PKN2: variants seen among roughly 807,000 people sequenced by gnomAD.
The protein encoded by PKN2 is serine/threonine-protein kinase N2.
PKN2 carries 38 observed loss-of-function variants against 119.1 expected under a neutral mutation model. The ratio of observed to expected loss-of-function variants is 0.32; its 90% CI spans 0.25 to 0.42. The LOEUF (loss-of-function observed/expected upper bound fraction) is 0.42, where lower values mean the gene tolerates loss of function less well. PKN2 is among the 10% of genes least tolerant of loss of function. PKN2 has a pLI of 1.00. For missense variants in PKN2, 850 were observed against 1,165.1 expected (o/e 0.73, Z 3.94); for synonymous variants, 390 against 384.9 (o/e 1.01, Z -0.15).
chr1:88,690,903 A>G (rs1557541444), intron 1 of PKN2, among the ~76,000 whole-genome samples: 1 of 152,226 alleles, frequency 6.6e-6, no homozygotes, highest in Non-Finnish European at 1.5e-5. Context: ...TATCTCTTTT[A>G]GAAATTTGTC....
intron 1 of PKN2, among the ~76,000 whole-genome samples, chr1:88,730,727 T>C (rs1394208010): frequency 1.3e-5 from 2 of 152,232 alleles, no homozygotes; most frequent in Non-Finnish European, 1.5e-5. Context: ...CACTATCTGC[T>C]TCAGTACCAA....
intron 1 of PKN2, among the ~76,000 whole-genome samples, chr1:88,718,463 T>A (rs1005889937): frequency 2.6e-5 from 4 of 152,172 alleles, no homozygotes; most frequent in African/African-American, 9.7e-5. Flanking sequence ...AGTAGTTTTG[T>A]TTTGATGTAT....
At chr1:88,701,734 C>T (rs186459815) in intron 1 of PKN2, among the ~76,000 whole-genome samples, 5 of 152,120 alleles carry the variant, frequency 3.3e-5, no homozygotes, top group Middle Eastern at 3.4e-3. Context: ...TCAATAAATC[C>T]GAGTTTCCAT....
intron 3 of PKN2, among the ~76,000 whole-genome samples, chr1:88,765,138 A>G (rs1055979351): frequency 9.9e-5 from 15 of 152,054 alleles, no homozygotes; most frequent in Admixed American, 3.9e-4. Flanking sequence ...CATGTTGGCC[A>G]GGCTGGTCTT....
Position 88,824,392 on chromosome 1 carries a change from C to A in PKN2, c.2419+6C>A, listed in dbSNP as rs369390544. 2 of 1,519,356 alleles carry A rather than the reference C, an allele frequency of 1.3e-6. No individual in the cohort carries two copies. Among genetic ancestry groups the A allele is most frequent in the Non-Finnish European group, 1.8e-6 (2 of 1,095,638 alleles). The allele number at this position is 1,519,356 out of a possible 1,614,324, so 94.1% of individuals were successfully genotyped here. ...TTTTGGTCTTTGCAAAGAAGGTAATCGAATGTTTTTAAGTTTCTTTTCTGA... is the reference window on the plus strand; with the variant it reads ...TTTTGGTCTTTGCAAAGAAGGTAATAGAATGTTTTTAAGTTTCTTTTCTGA... On this transcript the variant is annotated splice_donor_region_variant and intron_variant, in intron 18 of 21. Transcript: ENST00000370521.
rs781331012 is a variant in PKN2, at chr1:88,833,295, A to G, written c.2802A>G (p.Ile934Met). 5.0e-6 allele frequency: 8 copies of G among 1,613,452 alleles called. No individual in the cohort carries two copies. In the South Asian group the frequency reaches 8.8e-5, roughly 18 times the overall value. The change falls in exon 22 of 22, where the codon ATA becomes ATG. Residue 934 changes from isoleucine (I) to methionine (M), a missense_variant. Ile to Met is a conservative substitution (Grantham distance 10). Coordinates refer to ENST00000370521, the MANE Select transcript of PKN2 (RefSeq NM_006256.4). ...LMDKKVKPPF[I>M]PTIRGREDVS... ...ACAAAAAAGTAAAGCCACCATTTAT[A>G]CCTACCATAAGAGGACGAGAAGATG... is the stretch of plus-strand genomic sequence containing the variant.
chr1:88,827,015 TG>T (rs1672526344), intron 18 of PKN2, among the ~76,000 whole-genome samples: 1 of 152,158 alleles, frequency 6.6e-6, no homozygotes, highest in African/African-American at 2.4e-5. Flanking sequence ...TATCTAATTG[TG>T]CCCTTCAGGT....
chr1:88,771,086 TTTG>T (rs993533122), intron 4 of PKN2, among the ~76,000 whole-genome samples: 1 of 152,084 alleles, frequency 6.6e-6, no homozygotes, highest in African/African-American at 2.4e-5. Context: ...CTTTTGTTTT[TTTG>T]TTTTGTTTTA....
In PKN2 at chr1:88,809,240, T is replaced by C. The variant is rs1359651318; in HGVS notation, c.2102+1465T>C. ...AAGAGCTTGCTGGATATTTATAAAA[T>C]ATTCTGAGTACCATATTACATGTTT... On this transcript the variant is annotated intron_variant, in intron 15 of 21. Transcript: ENST00000370521. 2.0e-5 allele frequency among the ~76,000 whole-genome samples: 3 copies of C among 152,192 alleles called. No individual in the cohort carries two copies. In the East Asian group the frequency reaches 5.8e-4, roughly 29 times the overall value.
chr1:88,812,475 C>G (rs1671816967), intron 15 of PKN2, among the ~76,000 whole-genome samples: 1 of 152,128 alleles, frequency 6.6e-6, no homozygotes, highest in Admixed American at 6.6e-5. Flanking sequence ...TATGGTGGTT[C>G]ATACCTGTAA....
Position 88,834,121 on chromosome 1 carries a change from T to C in PKN2, c.*673T>C, listed in dbSNP as rs1305643015. On this transcript the variant is annotated 3_prime_UTR_variant, in exon 22 of 22. Coordinates refer to ENST00000370521, the MANE Select transcript of PKN2 (RefSeq NM_006256.4). The stretch of plus-strand genomic sequence containing the variant: ...CAACAGAGCTGCTTGCCAAACAATT[T>C]TTTTTGTTTATTAAACAGTGCTGAA... 6.6e-6 allele frequency: 1 copy of C among 152,024 alleles called. No homozygotes were observed. Among genetic ancestry groups the C allele is most frequent in the East Asian group, 1.9e-4 (1 of 5,194 alleles). 9.4% of individuals were successfully genotyped at this position (152,024 alleles called of 1,614,324 possible). A position where few individuals can be genotyped will look rare whatever the true frequency, so the allele number is the denominator to read the frequency against.
At chr1:88,798,351 G>A (rs555560387) in intron 8 of PKN2, among the ~76,000 whole-genome samples, 302 of 151,910 alleles carry the variant, frequency 2.0e-3, no homozygotes, top group Non-Finnish European at 3.5e-3. Context: ...AAGGATAGGT[G>A]ATGAGCCAAA....
Position 88,821,956 on chromosome 1 carries a change from T to C in PKN2, c.2295T>C (p.Cys765=), listed in dbSNP as rs1167811765. The C allele has an allele frequency of 1.2e-5, 19 of 1,579,024 alleles. No homozygotes were observed. Among genetic ancestry groups the C allele is most frequent in the Non-Finnish European group, 1.6e-5 (19 of 1,167,522 alleles). ...CTTCAAACAGATTTTATGCTGCTTGTGTAGTTCTTGGGTTGCAGTATTTAC... is the reference window on the plus strand; with the variant it reads ...CTTCAAACAGATTTTATGCTGCTTGCGTAGTTCTTGGGTTGCAGTATTTAC... ...SEPRAVFYAA[C]VVLGLQYLHE... The change falls in exon 17 of 22, where the codon TGT becomes TGC. Residue 765 remains cysteine (C), a synonymous_variant. Coordinates refer to ENST00000370521, the MANE Select transcript of PKN2 (RefSeq NM_006256.4).
intron 8 of PKN2, among the ~76,000 whole-genome samples, chr1:88,787,827 T>C (rs1236910990): frequency 6.6e-6 from 1 of 152,224 alleles, no homozygotes; most frequent in African/African-American, 2.4e-5. Flanking sequence ...GAGAGGCATC[T>C]TTCTTATCCC....
chr1:88,770,660 A>G lies in PKN2; in HGVS notation c.622+191A>G, dbSNP rs975433340. ...GAGTGCAGTGGCGGGATCTCGGCTC[A>G]CTGCAAGCTCCGCCTCCCGGGTTCA... On this transcript the variant is annotated intron_variant, in intron 4 of 21. Transcript: ENST00000370521. 2.1e-5 allele frequency among the ~76,000 whole-genome samples: 3 copies of G among 143,998 alleles called. No homozygotes were observed. In the East Asian group the frequency reaches 6.0e-4, roughly 29 times the overall value. The allele number at this position is 143,998 out of a possible 152,430, so 94.5% of individuals were successfully genotyped here. A position where few individuals can be genotyped will look rare whatever the true frequency, so the allele number is the denominator to read the frequency against.
At chr1:88,785,219 G>T (rs565843290) in intron 7 of PKN2, among the ~76,000 whole-genome samples, 1 of 152,190 alleles carries the variant, frequency 6.6e-6, no homozygotes, top group South Asian at 2.1e-4. Flanking sequence ...GTCTCAACCT[G>T]CTGGGTTTAA....
intron 3 of PKN2, among the ~76,000 whole-genome samples, chr1:88,765,282 C>CAAAAA (rs60307008): frequency 7.8e-6 from 1 of 128,278 alleles, no homozygotes; most frequent in Non-Finnish European, 1.7e-5. Flanking sequence ...GACTTCATCT[C>CAAAAA]AAAAAAAAAA....
At chr1:88,764,877 CAT>C (rs1669596560) in intron 3 of PKN2, among the ~76,000 whole-genome samples, 1 of 152,030 alleles carries the variant, frequency 6.6e-6, no homozygotes, top group African/African-American at 2.4e-5. Context: ...CTTGATAAGA[CAT>C]GTTAAAGACA....
Position 88,763,896 on chromosome 1 carries a change from G to C in PKN2, c.504+3520G>C, listed in dbSNP as rs549899781. ...AATGATAGAGAATTCATGAGGGGGA[G>C]CAAATTTAGGGACAGGGATGATTAA... On this transcript the variant is annotated intron_variant, in intron 3 of 21. Coordinates refer to ENST00000370521, the MANE Select transcript of PKN2 (RefSeq NM_006256.4). 1.1e-4 allele frequency among the ~76,000 whole-genome samples: 16 copies of C among 152,264 alleles called. No homozygotes were observed. The South Asian group carries it at 2.1e-3, about 20-fold the overall frequency.
Sources: gnomAD v4.1 joint callset for allele counts (sites outside exome capture counted in the v4.1 genomes callset) on GRCh38, gnomAD v4.1.1 for gene constraint, MANE v1.5 for transcripts, NCBI Gene and HGNC (gene_info 2026-07-23, HGNC 2026-07-21) for gene names.